MYO5A: variants seen among roughly 807,000 people sequenced by gnomAD.
MYO5A encodes the protein unconventional myosin-Va.
MYO5A carries 98 observed loss-of-function variants against 249.7 expected under a neutral mutation model. The ratio of observed to expected loss-of-function variants is 0.39; its 90% CI spans 0.33 to 0.46. MYO5A has a LOEUF of 0.46. Among genes scored for constraint, MYO5A ranks in the 20% least tolerant of loss-of-function variants. MYO5A has a pLI of 0.98. For synonymous variants in MYO5A, 778 were observed against 810.6 expected (o/e 0.96, Z 0.68); for missense variants, 1,696 against 2,308.8 (o/e 0.73, Z 5.44).
At chr15:52,420,970 C>A (rs940972) in intron 4 of MYO5A, among the ~76,000 whole-genome samples, 22,438 of 152,132 alleles carry the variant, frequency 0.15, 1,781 homozygotes, top group Middle Eastern at 0.22. Context: ...ACCTGTAAAG[C>A]AGTGGTGATC....
At chr15:52,427,094 T>C (rs2075411991) in intron 3 of MYO5A, among the ~76,000 whole-genome samples, 1 of 152,160 alleles carries the variant, frequency 6.6e-6, no homozygotes, top group Non-Finnish European at 1.5e-5. Context: ...AAATCAATAT[T>C]AATACTGGCT....
chr15:52,326,298 T>C (rs2038602277), intron 36 of MYO5A, among the ~76,000 whole-genome samples: 1 of 152,268 alleles, frequency 6.6e-6, no homozygotes, highest in South Asian at 2.1e-4. Flanking sequence ...CTTTATGATT[T>C]AGTTTTTTCT....
chr15:52,458,776 C>CAAA (rs923330425), intron 1 of MYO5A, among the ~76,000 whole-genome samples: 2 of 151,522 alleles, frequency 1.3e-5, no homozygotes, highest in Non-Finnish European at 2.9e-5. Flanking sequence ...AAACAAAAAA[C>CAAA]AAAAAGACTA....
intron 24 of MYO5A, among the ~76,000 whole-genome samples, chr15:52,364,307 T>C (rs1247654452): frequency 6.6e-6 from 1 of 152,118 alleles, no homozygotes; most frequent in Non-Finnish European, 1.5e-5. Context: ...GCCCAGTCTT[T>C]AAACTGTTTG....
rs35134548 is a variant in MYO5A at position 52,407,663 on chromosome 15, C to T, written c.839-264G>A. Among the ~76,000 whole-genome samples the T allele has an allele frequency of 0.48, 73,267 of 151,930 alleles. 20,942 individuals carry two copies. The highest frequency in any genetic ancestry group is 0.63 in the Non-Finnish European group (42,589 of 67,926). On this transcript the variant is annotated intron_variant, in intron 7 of 41. Coordinates refer to ENST00000399233, the MANE Select transcript of MYO5A (RefSeq NM_001382347.1). ...TTCCTAAAGGTTTTATTCCAATCTA[C>T]ACACTAGAATAATTTCCTCAAATCC...
intron 27 of MYO5A, among the ~76,000 whole-genome samples, 171 bp from the exon 28 acceptor site, chr15:52,351,652 T>C (rs950029621): frequency 1.2e-4 from 18 of 152,266 alleles, no homozygotes; most frequent in African/African-American, 4.3e-4. Flanking sequence ...ATTAAGGAAG[T>C]CTGACATCAA....
At chr15:52,460,822 G>A (rs1051377088) in intron 1 of MYO5A, among the ~76,000 whole-genome samples, 6 of 151,586 alleles carry the variant, frequency 4.0e-5, no homozygotes, top group Non-Finnish European at 7.4e-5. Context: ...AAAAAAAATC[G>A]ACTAAGGAAA....
intron 5 of MYO5A, among the ~76,000 whole-genome samples, chr15:52,411,055 C>T (rs1216839674): frequency 6.6e-6 from 1 of 152,152 alleles, no homozygotes; most frequent in East Asian, 1.9e-4. Context: ...TTCATAAAAC[C>T]TTTTGGGTTA....
At chr15:52,342,046 A>C (rs938587567) in intron 31 of MYO5A, among the ~76,000 whole-genome samples, 1 of 152,156 alleles carries the variant, frequency 6.6e-6, no homozygotes, top group African/African-American at 2.4e-5. Context: ...TCTTGCTTTT[A>C]GACAGCATGA....
In MYO5A at chr15:52,330,319, G is replaced by C. The variant is rs778182333; in HGVS notation, c.4555+34C>G. ...TTTCCCACCATTAACCCATGTGCCA[G>C]AAGGAACTTTTATCCAATGCAGAAA... On this transcript the variant is annotated intron_variant, in intron 35 of 41. Coordinates refer to ENST00000399233, the MANE Select transcript of MYO5A (RefSeq NM_001382347.1). The C allele has an allele frequency of 1.2e-5, 19 of 1,613,778 alleles. No individual in the cohort carries two copies. The African/African-American group carries it at 2.4e-4, about 20-fold the overall frequency.
intron 1 of MYO5A, among the ~76,000 whole-genome samples, chr15:52,459,146 A>ATTT (rs199923318): frequency 0.14 from 6,811 of 48,358 alleles, 412 homozygotes; most frequent in East Asian, 0.35. Flanking sequence ...ATTTTCCAGA[A>ATTT]ATTTTTTTTT....
intron 1 of MYO5A, among the ~76,000 whole-genome samples, chr15:52,523,531 G>A (rs2077666873): frequency 6.6e-6 from 1 of 152,184 alleles, no homozygotes; most frequent in Non-Finnish European, 1.5e-5. Context: ...GGGGCTTAGA[G>A]TATCGTGGGA....
At position 52,321,354 on chromosome 15, in the gene MYO5A, CT is replaced by C; in HGVS notation, c.4951+4del. ...CTGCAATGCCCAGTGGGGCCCTGGCCTTACCAATCATTGGCTGAAGGATGTT... is the reference window on the plus strand; with the variant it reads ...CTGCAATGCCCAGTGGGGCCCTGGCCTACCAATCATTGGCTGAAGGATGTT... On this transcript the variant is annotated splice_donor_region_variant and intron_variant, in intron 38 of 41. Coordinates refer to ENST00000399233, the MANE Select transcript of MYO5A (RefSeq NM_001382347.1). The C allele has an allele frequency of 6.2e-7, 1 of 1,614,174 alleles. No homozygotes were observed. The highest frequency in any genetic ancestry group is 8.5e-7 in the Non-Finnish European group (1 of 1,180,026).
chr15:52,328,421 T>C (rs7169346), intron 35 of MYO5A, among the ~76,000 whole-genome samples: 13,148 of 152,220 alleles, frequency 0.086, 1,756 homozygotes, highest in African/African-American at 0.29. Context: ...TCCTCATTTT[T>C]GACTCCTTTC....
At chr15:52,490,683 AAG>A (rs1274309693) in intron 1 of MYO5A, among the ~76,000 whole-genome samples, 1 of 152,122 alleles carries the variant, frequency 6.6e-6, no homozygotes, top group Non-Finnish European at 1.5e-5. Context: ...TTGCAAGATG[AAG>A]AGTTTTAGAG....
chr15:52,325,576 A>G (rs2038563289), intron 36 of MYO5A, among the ~76,000 whole-genome samples: 1 of 151,798 alleles, frequency 6.6e-6, no homozygotes, highest in East Asian at 1.9e-4. Context: ...TAATTTTTTT[A>G]TGTTTTATAG....
chr15:52,368,144 C>A (rs1177314410), intron 22 of MYO5A, among the ~76,000 whole-genome samples: 1 of 152,136 alleles, frequency 6.6e-6, no homozygotes, highest in Non-Finnish European at 1.5e-5. Flanking sequence ...AATCTCTTGT[C>A]ATGTCAGGGG....
intron 1 of MYO5A, chr15:52,505,538 G>A (rs1014679062): frequency 4.5e-6 from 7 of 1,563,324 alleles, no homozygotes; most frequent in Non-Finnish European, 6.2e-6. Flanking sequence ...GAAGCAAAGA[G>A]GCTAAGGGAA....
chr15:52,319,260 G>T lies in MYO5A; in HGVS notation c.5034C>A (p.Ile1678=). The change falls in exon 39 of 42, where the codon ATC becomes ATA. Residue 1678 remains isoleucine, a synonymous_variant. Transcript: ENST00000399233. The part of the protein sequence containing the change: ...PTGLRKRTSS[I]ADEGTYTLDS... ...CCAGTGTGTAGGTGCCCTCATCGGC[G>T]ATACTGGAGGTTCGCTTTCTCAACC... 1.2e-6 allele frequency: 2 copies of T among 1,614,096 alleles called. No homozygotes were observed. The highest frequency in any genetic ancestry group is 2.2e-5 in the South Asian group (2 of 91,078).
Sources: allele counts gnomAD v4.1 joint callset (sites outside exome capture counted in the v4.1 genomes callset), GRCh38; gene constraint gnomAD v4.1.1; transcripts MANE v1.5; gene names NCBI Gene and HGNC (gene_info 2026-07-23, HGNC 2026-07-21).